DOCK2: variants seen among roughly 807,000 people sequenced by gnomAD.
DOCK2 encodes the protein dedicator of cytokinesis 2.
A neutral mutation model predicts 248.9 loss-of-function variants in DOCK2; 87 were observed. The ratio of observed to expected loss-of-function variants is 0.35; its 90% CI spans 0.29 to 0.42. DOCK2 has a LOEUF of 0.42. DOCK2 is among the 10% of genes least tolerant of loss of function. DOCK2 has a pLI of 1.00. For missense variants in DOCK2, 1,747 were observed against 2,300.2 expected (o/e 0.76, Z 4.92); for synonymous variants, 805 against 821.6 (o/e 0.98, Z 0.35).
intron 25 of DOCK2, among the ~76,000 whole-genome samples, chr5:169,787,795 T>C (rs1445761723): frequency 6.6e-6 from 1 of 151,894 alleles, no homozygotes; most frequent in Non-Finnish European, 1.5e-5. Flanking sequence ...TTTTCCTCTT[T>C]TACCTCTTCT....
intron 22 of DOCK2, among the ~76,000 whole-genome samples, chr5:169,722,511 G>A (rs1762264057): frequency 6.6e-6 from 1 of 152,206 alleles, no homozygotes; most frequent in East Asian, 1.9e-4. Flanking sequence ...ATGAGGAGAT[G>A]TTCATGCAGG....
chr5:170,069,899 C>T (rs945666764), intron 46 of DOCK2, among the ~76,000 whole-genome samples: 1 of 152,094 alleles, frequency 6.6e-6, no homozygotes, highest in Non-Finnish European at 1.5e-5. Context: ...CTGTCTTTCC[C>T]TCTCTCTCTT....
chr5:169,910,757 A>C (rs1220445087), intron 27 of DOCK2, among the ~76,000 whole-genome samples: 1 of 152,192 alleles, frequency 6.6e-6, no homozygotes, highest in African/African-American at 2.4e-5. Flanking sequence ...ACTGATGACT[A>C]AACTTTTTAG....
At chr5:169,775,898 C>T (rs1376929354) in intron 25 of DOCK2, among the ~76,000 whole-genome samples, 2 of 151,746 alleles carry the variant, frequency 1.3e-5, no homozygotes, top group African/African-American at 4.8e-5. Context: ...GCCTGATATG[C>T]TTCCTTGCTA....
intron 23 of DOCK2, among the ~76,000 whole-genome samples, chr5:169,753,062 T>TG (rs1763990640): frequency 8.6e-6 from 1 of 116,288 alleles, no homozygotes; most frequent in Non-Finnish European, 1.6e-5. Context: ...AGACTCTATC[T>TG]AAAAATAAAA....
At chr5:169,883,105 G>A in intron 27 of DOCK2, 1 of 1,551,628 alleles carries the variant, frequency 6.4e-7, no homozygotes, top group Non-Finnish European at 8.7e-7. Flanking sequence ...TGTGTGGCTG[G>A]CAACGCTGGT....
chr5:169,950,869 A>C (rs560959091), intron 27 of DOCK2, among the ~76,000 whole-genome samples: 1 of 152,348 alleles, frequency 6.6e-6, no homozygotes, highest in Non-Finnish European at 1.5e-5. Context: ...AAACACTGGC[A>C]GCCCACGGGG....
At position 169,934,824 on chromosome 5, in the gene DOCK2, G is replaced by C. The variant is rs1364577350; in HGVS notation, c.2800-48244G>C. On this transcript the variant is annotated intron_variant, in intron 27 of 51. Coordinates refer to ENST00000520908, the MANE Select transcript of DOCK2 (RefSeq NM_004946.3). ...TTATCTGTATGATAAATTGATTGTA[G>C]TGTCATCTGCAAATAGGTAAATAAA... is the stretch of plus-strand genomic sequence containing the variant. The C allele has an allele frequency of 4.7e-5, 20 of 426,528 alleles. No individual in the cohort carries two copies. In the East Asian group the frequency reaches 1.1e-3, roughly 23 times the overall value. 26.4% of individuals were successfully genotyped at this position (426,528 alleles called of 1,614,324 possible).
At chr5:169,640,195 G>T (rs569229017) in intron 1 of DOCK2, among the ~76,000 whole-genome samples, 80 of 152,318 alleles carry the variant, frequency 5.3e-4, no homozygotes, top group African/African-American at 1.7e-3. Flanking sequence ...CTGATGACTG[G>T]GACTTCAGCA....
At chr5:169,665,346 A>G (rs1195341050) in intron 2 of DOCK2, among the ~76,000 whole-genome samples, 2 of 148,240 alleles carry the variant, frequency 1.3e-5, no homozygotes, top group Non-Finnish European at 3.0e-5. Context: ...ATATGTTTAT[A>G]TATAAGTATC....
chr5:170,076,546 TTA>T (rs1757847892), intron 47 of DOCK2, among the ~76,000 whole-genome samples: 2 of 152,222 alleles, frequency 1.3e-5, no homozygotes, highest in Admixed American at 6.5e-5. Context: ...TCTGGCTCTG[TTA>T]GTTTAAGGCC....
At chr5:169,856,478 G>A (rs139794508) in intron 27 of DOCK2, among the ~76,000 whole-genome samples, 102 of 152,266 alleles carry the variant, frequency 6.7e-4, no homozygotes, top group African/African-American at 2.4e-3. Flanking sequence ...TGGAGATGAG[G>A]TAGAGCTTCA....
At chr5:169,735,958 G>A (rs1763015896) in intron 22 of DOCK2, among the ~76,000 whole-genome samples, 1 of 151,944 alleles carries the variant, frequency 6.6e-6, no homozygotes, top group East Asian at 1.9e-4. Context: ...GAGGGAGAGA[G>A]AGAGAGAGAG....
intron 27 of DOCK2, among the ~76,000 whole-genome samples, chr5:169,871,039 T>C (rs1771934188): frequency 6.6e-6 from 1 of 152,198 alleles, no homozygotes. Context: ...TGTCCTCACG[T>C]GGCAGAAAGG....
chr5:169,679,213 C>T (rs1759514018), intron 6 of DOCK2, among the ~76,000 whole-genome samples: 1 of 152,100 alleles, frequency 6.6e-6, no homozygotes, highest in African/African-American at 2.4e-5. Flanking sequence ...CTGATTTTAC[C>T]TTTTTTAAAA....
intron 27 of DOCK2, among the ~76,000 whole-genome samples, chr5:169,915,528 T>C (rs1350413505): frequency 2.7e-5 from 4 of 150,912 alleles, no homozygotes; most frequent in Non-Finnish European, 4.4e-5. Context: ...CCTGGCTATA[T>C]AGAGAAAATA....
In DOCK2 at chr5:170,018,980, A is replaced by G; in HGVS notation, c.3253A>G (p.Ile1085Val). The G allele has an allele frequency of 3.1e-6, 5 of 1,614,016 alleles. No individual in the cohort carries two copies. Among genetic ancestry groups the G allele is most frequent in the Non-Finnish European group, 4.2e-6 (5 of 1,179,942 alleles). The change falls in exon 33 of 52, where the codon ATC becomes GTC. Residue 1085 changes from isoleucine (I) to valine (V), a missense_variant. Physicochemically the swap from Ile to Val is conservative, Grantham distance 29 (BLOSUM62 3). Coordinates refer to ENST00000520908, the MANE Select transcript of DOCK2 (RefSeq NM_004946.3). ...YKLGQNKICF[I>V]PGMVGPILEM... is the part of the protein sequence containing the mutation. ...TTCAGGTCAGAACAAAATCTGCTTC[A>G]TCCCAGGCATGGTAGGACCTATATT...
intron 50 of DOCK2, 119 bp from the exon 51 acceptor site, chr5:170,081,723 T>C: frequency 8.4e-7 from 1 of 1,187,824 alleles, no homozygotes. Context: ...GCTTGGCACA[T>C]ACAATGTGTG....
chr5:169,819,904 A>C (rs1347315314), intron 26 of DOCK2, among the ~76,000 whole-genome samples: 1 of 152,186 alleles, frequency 6.6e-6, no homozygotes, highest in East Asian at 1.9e-4. Flanking sequence ...CACCTGGAAA[A>C]TCAGGTCACT....
Sources: allele counts gnomAD v4.1 joint callset (sites outside exome capture counted in the v4.1 genomes callset), GRCh38; gene constraint gnomAD v4.1.1; transcripts MANE v1.5; gene names NCBI Gene and HGNC (gene_info 2026-07-23, HGNC 2026-07-21).